ACSL3: variants seen among roughly 807,000 people sequenced by gnomAD.
The protein encoded by ACSL3 is fatty acid CoA ligase Acsl3.
A neutral mutation model predicts 84.7 loss-of-function variants in ACSL3; 34 were observed. The ratio of observed to expected loss-of-function variants is 0.40; its 90% CI spans 0.31 to 0.53. The LOEUF (loss-of-function observed/expected upper bound fraction) is 0.53. Among genes scored for constraint, ACSL3 ranks in the 20% least tolerant of loss-of-function variants. The probability of loss-of-function intolerance (pLI) is 0.48; values close to 1 mark genes in which losing one functional copy is unlikely to be tolerated. For missense variants in ACSL3, 680 were observed against 873.1 expected, an observed-to-expected ratio of 0.78 and a Z score of 2.79; for synonymous variants, 315 against 299.4, an observed-to-expected ratio of 1.05 and a Z score of -0.54.
At position 222,941,668 on chromosome 2, in the gene ACSL3, G is replaced by T. The variant is rs1337525326; in HGVS notation, c.*14G>T. ...GGAAGAAAATAATTATTCTCTTCTG[G>T]CATCAGTTTGCTACAGTGAGCTCAG... On this transcript the variant is annotated 3_prime_UTR_variant, in exon 17 of 17. Transcript: ENST00000357430. 2 of 1,606,990 alleles carry T rather than the reference G, an allele frequency of 1.2e-6. No individual in the cohort carries two copies. The highest frequency in any genetic ancestry group is 4.5e-5 in the East Asian group (2 of 44,782).
chr2:222,866,127 T>A (rs1250963528), intron 1 of ACSL3, among the ~76,000 whole-genome samples: 1 of 152,238 alleles, frequency 6.6e-6, no homozygotes, highest in East Asian at 1.9e-4. Context: ...TTCTAATTTT[T>A]ATCTCAGCCT....
chr2:222,869,237 G>T (rs1328699892), intron 1 of ACSL3, among the ~76,000 whole-genome samples: 2 of 152,132 alleles, frequency 1.3e-5, no homozygotes, highest in Non-Finnish European at 2.9e-5. Flanking sequence ...GTAAATTTGA[G>T]CGAGTGACTT....
chr2:222,898,381 CAGA>C (rs1172144108), intron 2 of ACSL3, among the ~76,000 whole-genome samples: 1 of 152,112 alleles, frequency 6.6e-6, no homozygotes, highest in Non-Finnish European at 1.5e-5. Flanking sequence ...ATATTTAAAG[CAGA>C]AGTTCTCAAG....
intron 1 of ACSL3, among the ~76,000 whole-genome samples, chr2:222,879,740 G>C (rs765789613): frequency 2.0e-5 from 3 of 152,200 alleles, no homozygotes; most frequent in Admixed American, 2.0e-4. Flanking sequence ...CACATTTGCC[G>C]TAGTCTGCGG....
chr2:222,866,195 G>C (rs989799935), intron 1 of ACSL3, among the ~76,000 whole-genome samples: 5 of 152,030 alleles, frequency 3.3e-5, no homozygotes, highest in African/African-American at 9.7e-5. Flanking sequence ...CCCCTGGCTG[G>C]AGTGCAGTGG....
intron 15 of ACSL3, among the ~76,000 whole-genome samples, chr2:222,934,262 G>A (rs1697112526): frequency 6.6e-6 from 1 of 152,294 alleles, no homozygotes; most frequent in African/African-American, 2.4e-5. Flanking sequence ...GTACATGGCA[G>A]TATTCATAAC....
chr2:222,896,139 C>T (rs1244589127), intron 2 of ACSL3, among the ~76,000 whole-genome samples: 1 of 11,802 alleles, frequency 8.5e-5, no homozygotes, highest in Non-Finnish European at 1.2e-4. Context: ...CCGGACGGGG[C>T]GGCTGGCCGG....
chr2:222,912,364 C>T (rs950290076), intron 4 of ACSL3, among the ~76,000 whole-genome samples: 2 of 152,176 alleles, frequency 1.3e-5, no homozygotes, highest in African/African-American at 4.8e-5. Context: ...GCATCAGTAG[C>T]AGCATCTGCC....
At chr2:222,880,448 T>C (rs1014792654) in intron 1 of ACSL3, among the ~76,000 whole-genome samples, 2 of 152,184 alleles carry the variant, frequency 1.3e-5, no homozygotes, top group Admixed American at 6.5e-5. Flanking sequence ...AATGTTATAT[T>C]ACATGAAGTA....
intron 1 of ACSL3, among the ~76,000 whole-genome samples, chr2:222,876,708 T>A (rs1001745522): frequency 6.6e-6 from 1 of 152,008 alleles, no homozygotes; most frequent in Non-Finnish European, 1.5e-5. Context: ...CATTTATTCA[T>A]ACCCGCTATG....
intron 1 of ACSL3, among the ~76,000 whole-genome samples, chr2:222,880,567 G>A (rs750427483): frequency 2.0e-5 from 3 of 152,084 alleles, no homozygotes; most frequent in African/African-American, 4.8e-5. Flanking sequence ...GGTGGCTCAT[G>A]CCTGTAATCC....
chr2:222,935,231 G>T (rs975821146), intron 16 of ACSL3, among the ~76,000 whole-genome samples: 1 of 152,008 alleles, frequency 6.6e-6, no homozygotes, highest in South Asian at 2.1e-4. Context: ...CTCTTCTGTT[G>T]CCCGAACCAG....
At chr2:222,883,595 C>T (rs1695645719) in intron 1 of ACSL3, among the ~76,000 whole-genome samples, 1 of 152,166 alleles carries the variant, frequency 6.6e-6, no homozygotes, top group Non-Finnish European at 1.5e-5. Context: ...TCTGCCCAGT[C>T]CTTTCAAACT....
At chr2:222,936,975 T>A (rs1256098939) in intron 16 of ACSL3, among the ~76,000 whole-genome samples, 1 of 152,096 alleles carries the variant, frequency 6.6e-6, no homozygotes, top group East Asian at 1.9e-4. Flanking sequence ...TCCAGTCACC[T>A]CCCACCAGGT....
At chr2:222,895,363 A>G (rs905641728) in intron 2 of ACSL3, among the ~76,000 whole-genome samples, 3 of 152,058 alleles carry the variant, frequency 2.0e-5, no homozygotes, top group African/African-American at 7.2e-5. Context: ...CTTCTGCATA[A>G]TACTTTCCTC....
intron 7 of ACSL3, 79 bp from the exon 8 acceptor site, chr2:222,921,201 T>G (rs1179943121): frequency 2.7e-5 from 39 of 1,455,608 alleles, no homozygotes; most frequent in Non-Finnish European, 3.2e-5. Flanking sequence ...AGTTATTTAT[T>G]TGATGATAAT....
chr2:222,866,996 G>A (rs1471118060), intron 1 of ACSL3, among the ~76,000 whole-genome samples: 3 of 151,628 alleles, frequency 2.0e-5, no homozygotes, highest in East Asian at 1.9e-4. Flanking sequence ...CACCACACTC[G>A]GCTAATTTTT....
Position 222,899,344 on chromosome 2 carries a change from A to G in ACSL3, c.-147-1330A>G, listed in dbSNP as rs192918434. Among the ~76,000 whole-genome samples the G allele has an allele frequency of 3.6e-3, 542 of 150,818 alleles. 1 individual carries two copies. Among genetic ancestry groups the G allele is most frequent in the Admixed American group, 5.2e-3 (79 of 15,164 alleles). On this transcript the variant is annotated intron_variant, in intron 2 of 16. Coordinates refer to ENST00000357430, the MANE Select transcript of ACSL3 (RefSeq NM_004457.5). ...ACAAAAATTAGCTGGGCGTGGTGGC[A>G]GGCGACTGTCGTCCCAGCTACTCAG...
intron 1 of ACSL3, among the ~76,000 whole-genome samples, chr2:222,866,371 T>C (rs1286365359): frequency 6.6e-6 from 1 of 152,200 alleles, no homozygotes; most frequent in Admixed American, 6.5e-5. Context: ...GGTCTTGATC[T>C]TCTGACCTTG....
Sources: allele counts gnomAD v4.1 joint callset (sites outside exome capture counted in the v4.1 genomes callset), GRCh38; gene constraint gnomAD v4.1.1; transcripts MANE v1.5; gene names NCBI Gene and HGNC (gene_info 2026-07-23, HGNC 2026-07-21).